The following KCNIP4 variants were observed in gnomAD, a reference collection of about 807,000 sequenced individuals.
KCNIP4 encodes Kv channel-interacting protein 4.
A neutral mutation model predicts 34.0 loss-of-function variants in KCNIP4; 12 were observed. The ratio of observed to expected loss-of-function variants is 0.35; its 90% CI spans 0.23 to 0.57. The LOEUF (loss-of-function observed/expected upper bound fraction) is 0.57. Among genes scored for constraint, KCNIP4 ranks in the 20% least tolerant of loss-of-function variants. The pLI is 0.83. For synonymous variants in KCNIP4, 124 were observed against 102.2 expected (o/e 1.21, Z -1.29); for missense variants, 238 against 311.7 (o/e 0.76, Z 1.78).
At chr4:21,352,010 A>G (rs1233597484) in intron 1 of KCNIP4, among the ~76,000 whole-genome samples, 1 of 152,190 alleles carries the variant, frequency 6.6e-6, no homozygotes, top group Non-Finnish European at 1.5e-5. Context: ...AACATCAGTT[A>G]TGTCCTGAGG....
At chr4:21,669,609 C>A (rs1040332046) in intron 1 of KCNIP4, among the ~76,000 whole-genome samples, 1 of 149,666 alleles carries the variant, frequency 6.7e-6, no homozygotes, top group African/African-American at 2.5e-5. Context: ...CTCCTAAACC[C>A]ACATTGTTTA....
chr4:21,435,689 T>A (rs1726883437), intron 1 of KCNIP4, among the ~76,000 whole-genome samples: 1 of 152,194 alleles, frequency 6.6e-6, no homozygotes, highest in African/African-American at 2.4e-5. Flanking sequence ...TAAAGGCACA[T>A]TTTCTAGAAG....
chr4:21,683,977 G>A (rs1327755013), intron 1 of KCNIP4, among the ~76,000 whole-genome samples: 1 of 152,030 alleles, frequency 6.6e-6, no homozygotes, highest in Non-Finnish European at 1.5e-5. Flanking sequence ...GCCTGCTTGA[G>A]GGAGGAGGGT....
intron 1 of KCNIP4, among the ~76,000 whole-genome samples, chr4:21,911,211 A>T (rs943899917): frequency 6.6e-6 from 1 of 152,166 alleles, no homozygotes; most frequent in African/African-American, 2.4e-5. Context: ...TAAGATATGA[A>T]AGATGGAAGG....
chr4:21,893,184 T>C (rs1727203183), intron 1 of KCNIP4, among the ~76,000 whole-genome samples: 1 of 151,892 alleles, frequency 6.6e-6, no homozygotes, highest in Non-Finnish European at 1.5e-5. Context: ...TGTGTCTGTG[T>C]GTGTATGTGT....
At chr4:21,123,020 C>G (rs1750296319) in intron 1 of KCNIP4, among the ~76,000 whole-genome samples, 1 of 151,990 alleles carries the variant, frequency 6.6e-6, no homozygotes, top group South Asian at 2.1e-4. Flanking sequence ...ACCATCCTGG[C>G]TAACATGGTG....
intron 1 of KCNIP4, among the ~76,000 whole-genome samples, chr4:21,330,704 T>C (rs1715544140): frequency 6.6e-6 from 1 of 152,208 alleles, no homozygotes; most frequent in South Asian, 2.1e-4. Flanking sequence ...GGAGCTTAAC[T>C]TCCTCTTCAA....
At chr4:21,878,617 A>G (rs1407982383) in intron 1 of KCNIP4, among the ~76,000 whole-genome samples, 7 of 152,212 alleles carry the variant, frequency 4.6e-5, no homozygotes, top group Non-Finnish European at 1.0e-4. Flanking sequence ...TGCTTTCAAC[A>G]TTATTTTAGC....
At chr4:20,988,307 G>A (rs1261676937) in intron 1 of KCNIP4, among the ~76,000 whole-genome samples, 2 of 152,142 alleles carry the variant, frequency 1.3e-5, no homozygotes, top group African/African-American at 2.4e-5. Flanking sequence ...GAAACTCTTA[G>A]GAAAGTAAAA....
intron 1 of KCNIP4, among the ~76,000 whole-genome samples, chr4:21,755,979 C>T (rs894562970): frequency 1.3e-5 from 2 of 152,170 alleles, no homozygotes; most frequent in Non-Finnish European, 2.9e-5. Flanking sequence ...ACCTCTGAAA[C>T]AACATAAGTC....
intron 1 of KCNIP4, among the ~76,000 whole-genome samples, chr4:21,358,505 A>T (rs1718893233): frequency 6.6e-6 from 1 of 152,132 alleles, no homozygotes; most frequent in South Asian, 2.1e-4. Flanking sequence ...AACAAGACCA[A>T]AACAGTGATA....
At chr4:21,210,842 G>A (rs1261074608) in intron 1 of KCNIP4, among the ~76,000 whole-genome samples, 1 of 152,028 alleles carries the variant, frequency 6.6e-6, no homozygotes, top group African/African-American at 2.4e-5. Flanking sequence ...GAGAGTTATG[G>A]ACAGAAACCA....
Position 21,308,758 on chromosome 4 carries a change from G to A in KCNIP4, c.62-426049C>T, listed in dbSNP as rs115911328. Among the ~76,000 whole-genome samples the A allele has an allele frequency of 3.2e-3, 486 of 151,956 alleles. 2 individuals carry two copies. Among genetic ancestry groups the A allele is most frequent in the African/African-American group, 0.011 (458 of 41,424 alleles). On this transcript the variant is annotated intron_variant, in intron 1 of 8. Coordinates refer to ENST00000382152, the MANE Select transcript of KCNIP4 (RefSeq NM_025221.6). ...TGTGTGTAGCAGATAAGTATGAAGC[G>A]GCAGTGAGAGAAAAGGGACACTGTT...
intron 1 of KCNIP4, among the ~76,000 whole-genome samples, chr4:21,169,007 C>T (rs1477474876): frequency 2.0e-5 from 3 of 152,168 alleles, no homozygotes; most frequent in African/African-American, 2.4e-5. Flanking sequence ...AAACTACTTC[C>T]ACTCTGCCAA....
At chr4:21,926,701 A>T (rs1011648527) in intron 1 of KCNIP4, among the ~76,000 whole-genome samples, 6 of 152,158 alleles carry the variant, frequency 3.9e-5, no homozygotes, top group African/African-American at 1.4e-4. Flanking sequence ...CTAACTCCAA[A>T]GCTGTGCTCT....
At chr4:21,419,927 T>C (rs1725310118) in intron 1 of KCNIP4, among the ~76,000 whole-genome samples, 1 of 152,158 alleles carries the variant, frequency 6.6e-6, no homozygotes, top group Admixed American at 6.5e-5. Context: ...TAATGCTGAT[T>C]TTAATTCTGA....
chr4:21,118,229 T>C (rs574433526), intron 1 of KCNIP4, among the ~76,000 whole-genome samples: 1 of 152,212 alleles, frequency 6.6e-6, no homozygotes, highest in African/African-American at 2.4e-5. Flanking sequence ...TCTGTGACAA[T>C]TAGAGTCCAA....
intron 1 of KCNIP4, among the ~76,000 whole-genome samples, chr4:21,033,241 C>G (rs1268993806): frequency 6.6e-6 from 1 of 152,156 alleles, no homozygotes; most frequent in Non-Finnish European, 1.5e-5. Flanking sequence ...CTCTTAGTAT[C>G]TCTCTGATCT....
intron 1 of KCNIP4, among the ~76,000 whole-genome samples, chr4:21,388,262 T>G (rs1722218186): frequency 6.7e-6 from 1 of 149,948 alleles, no homozygotes; most frequent in African/African-American, 2.4e-5. Flanking sequence ...TAACCATATA[T>G]AATAAATATA....
Sources: gnomAD v4.1 joint callset for allele counts (sites outside exome capture counted in the v4.1 genomes callset) on GRCh38, gnomAD v4.1.1 for gene constraint, MANE v1.5 for transcripts, NCBI Gene and HGNC (gene_info 2026-07-23, HGNC 2026-07-21) for gene names.